HECW2: variants seen among roughly 807,000 people sequenced by gnomAD.
HECW2 encodes the protein HECT, C2 and WW domain containing E3 ubiquitin protein ligase 2.
In HECW2, 61 loss-of-function variants were observed where a neutral mutation model predicts 175.2. That is an observed-to-expected ratio of 0.35 (90% confidence interval 0.28 to 0.43). The LOEUF (loss-of-function observed/expected upper bound fraction) is 0.43. Ranked by LOEUF, HECW2 falls within the 20% of genes least tolerant of loss-of-function variation. The probability of loss-of-function intolerance (pLI) is 1.00; values close to 1 mark genes in which losing one functional copy is unlikely to be tolerated. For missense variants in HECW2, 1,524 were observed against 2,000.5 expected (o/e 0.76, Z 4.54); for synonymous variants, 671 against 731.0 (o/e 0.92, Z 1.32).
intron 1 of HECW2, among the ~76,000 whole-genome samples, chr2:196,464,092 T>G (rs545624741): frequency 1.3e-5 from 2 of 152,204 alleles, no homozygotes; most frequent in African/African-American, 4.8e-5. Flanking sequence ...ACATTAAAAT[T>G]GCTACCCACT....
In HECW2 at chr2:196,343,790, C is replaced by T. The variant is rs755040495; in HGVS notation, c.293-26G>A. The T allele has an allele frequency of 5.0e-6, 7 of 1,394,536 alleles. No homozygotes were observed. The African/African-American group carries it at 9.9e-5, about 20-fold the overall frequency. The allele number at this position is 1,394,536 out of a possible 1,614,324, so 86.4% of individuals were successfully genotyped here. ...CTAGAAAAACCAAAGAAACACTTTT[C>T]AGATTAATTATAACCTTTCTCTCCG... is the stretch of plus-strand genomic sequence containing the variant. On this transcript the variant is annotated intron_variant, in intron 2 of 28. Coordinates refer to ENST00000644978, the MANE Select transcript of HECW2 (RefSeq NM_001348768.2).
chr2:196,580,720 A>T (rs1690747336), intron 1 of HECW2, among the ~76,000 whole-genome samples: 1 of 152,104 alleles, frequency 6.6e-6, no homozygotes, highest in Admixed American at 6.6e-5. Context: ...ATTAGAATAT[A>T]AAATGTTGCA....
chr2:196,402,870 G>C (rs1475907988), intron 2 of HECW2, among the ~76,000 whole-genome samples: 1 of 140,090 alleles, frequency 7.1e-6, no homozygotes, highest in Non-Finnish European at 1.5e-5. Flanking sequence ...GCAGTGGCAC[G>C]ATCTCAGCTC....
intron 1 of HECW2, among the ~76,000 whole-genome samples, chr2:196,469,120 CGTGTGTGTGT>C (rs33984882): frequency 4.7e-4 from 68 of 144,826 alleles, no homozygotes; most frequent in Middle Eastern, 3.5e-3. Flanking sequence ...TGTGTGTGTG[CGTGTGTGTGT>C]GTGTGTGTGT....
At chr2:196,471,179 AT>A (rs1697183484) in intron 1 of HECW2, among the ~76,000 whole-genome samples, 1 of 152,204 alleles carries the variant, frequency 6.6e-6, no homozygotes, top group Admixed American at 6.5e-5. Flanking sequence ...ACAAATTTTT[AT>A]TTTTAAAATC....
At chr2:196,261,187 C>G (rs1021935039) in intron 17 of HECW2, among the ~76,000 whole-genome samples, 2 of 152,138 alleles carry the variant, frequency 1.3e-5, no homozygotes, top group Non-Finnish European at 2.9e-5. Context: ...ACAGTATTAA[C>G]TTGCATCATG....
intron 1 of HECW2, chr2:196,586,398 C>T (rs1380019871): frequency 2.0e-5 from 3 of 152,290 alleles, no homozygotes; most frequent in South Asian, 2.1e-4. Context: ...AGATATCTTA[C>T]TCCACAGATA....
intron 2 of HECW2, among the ~76,000 whole-genome samples, chr2:196,365,620 G>GA (rs1693722574): frequency 6.6e-6 from 1 of 152,098 alleles, no homozygotes; most frequent in Non-Finnish European, 1.5e-5. Context: ...AAAGCTTTTT[G>GA]AAAATATATA....
chr2:196,485,770 A>G (rs1686980277), intron 1 of HECW2, among the ~76,000 whole-genome samples: 1 of 152,238 alleles, frequency 6.6e-6, no homozygotes, highest in Non-Finnish European at 1.5e-5. Flanking sequence ...TCACCATAAA[A>G]GCCAAGGCTT....
At chr2:196,332,103 T>C (rs574216250) in intron 4 of HECW2, among the ~76,000 whole-genome samples, 1 of 152,262 alleles carries the variant, frequency 6.6e-6, no homozygotes, top group Non-Finnish European at 1.5e-5. Flanking sequence ...TCCCCCTTTT[T>C]TTTTTAATCT....
intron 2 of HECW2, among the ~76,000 whole-genome samples, chr2:196,388,146 T>TTTA: frequency 6.6e-6 from 1 of 151,658 alleles, no homozygotes; most frequent in African/African-American, 2.4e-5. Flanking sequence ...AAAAAATTTT[T>TTTA]AATTATCCAG....
chr2:196,305,815 T>A (rs1691236017), intron 13 of HECW2, among the ~76,000 whole-genome samples: 1 of 152,216 alleles, frequency 6.6e-6, no homozygotes, highest in Non-Finnish European at 1.5e-5. Context: ...CATGCCATGA[T>A]GAATGGATTA....
chr2:196,517,772 T>A (rs754514934), intron 1 of HECW2, among the ~76,000 whole-genome samples: 2 of 152,162 alleles, frequency 1.3e-5, no homozygotes, highest in African/African-American at 4.8e-5. Context: ...GGTAAAAACT[T>A]AGGAAAATTG....
intron 1 of HECW2, among the ~76,000 whole-genome samples, chr2:196,523,078 A>G (rs899906386): frequency 6.6e-6 from 1 of 151,618 alleles, no homozygotes; most frequent in Non-Finnish European, 1.5e-5. Context: ...CAGTATGGCC[A>G]TTTTCACGAT....
intron 2 of HECW2, among the ~76,000 whole-genome samples, chr2:196,384,240 C>CA (rs911163999): frequency 1.9e-4 from 29 of 151,600 alleles, no homozygotes; most frequent in South Asian, 4.2e-4. Context: ...AACCTGGGGA[C>CA]AAAAAAAATG....
intron 2 of HECW2, among the ~76,000 whole-genome samples, chr2:196,361,055 G>A (rs1162568636): frequency 1.3e-5 from 2 of 152,098 alleles, no homozygotes; most frequent in Non-Finnish European, 2.9e-5. Context: ...TCACTGACTG[G>A]CATTTAATAG....
rs538772487 is a variant in HECW2 at position 196,234,774 on chromosome 2, G to C, written c.3764+5675C>G. Among the ~76,000 whole-genome samples the C allele has an allele frequency of 2.6e-5, 4 of 152,272 alleles. No individual in the cohort carries two copies. The East Asian group carries it at 7.7e-4, about 29-fold the overall frequency. On this transcript the variant is annotated intron_variant, in intron 21 of 28. Transcript: ENST00000644978. The stretch of plus-strand genomic sequence containing the variant: ...TAGAGAAGCAACTTCTTAGTAGACT[G>C]ATGCCCAGCAGAAATAGGCAACCCC...
In HECW2 at chr2:196,220,902, G is replaced by T. The variant is rs771096444; in HGVS notation, c.4186C>A (p.Pro1396Thr). The T allele has an allele frequency of 3.1e-6, 5 of 1,613,896 alleles. No homozygotes were observed. Among genetic ancestry groups the T allele is most frequent in the Non-Finnish European group, 3.4e-6 (4 of 1,179,924 alleles). Residue 1396 changes from proline (P) to threonine (T), a missense_variant, in exon 25 of 29, where the codon CCA (proline) becomes ACA (threonine). This residue lies in a region of HECW2 where 134 missense variants were observed against 287.8 expected (regional missense o/e 0.47). Transcript: ENST00000644978. ...RELKPGGANIPVTEKNKKEYI... is the reference protein window; with the variant it reads ...RELKPGGANITVTEKNKKEYI... ...TCCTTCTTGTTCTTCTCTGTAACTG[G>T]GATATTGGCACCCCCTGGCTTTAAT... is the stretch of plus-strand genomic sequence containing the variant.
intron 1 of HECW2, among the ~76,000 whole-genome samples, chr2:196,585,085 T>A (rs999237143): frequency 1.3e-5 from 2 of 152,232 alleles, no homozygotes; most frequent in Non-Finnish European, 2.9e-5. Context: ...TCCTTGTTTG[T>A]CTTTGCCATG....
Sources: gnomAD v4.1 joint callset for allele counts (sites outside exome capture counted in the v4.1 genomes callset) on GRCh38, gnomAD v4.1.1 for gene constraint, gnomAD v4.1.1 regional missense constraint, MANE v1.5 for transcripts, NCBI Gene and HGNC (gene_info 2026-07-23, HGNC 2026-07-21) for gene names.